Variants in RTKN2 observed in about 807,000 individuals in gnomAD.
RTKN2 encodes rhotekin 2.
In RTKN2, 69 loss-of-function variants were observed where a neutral mutation model predicts 71.5. That is an observed-to-expected ratio of 0.96 (90% CI 0.79 to 1.18). RTKN2 has a LOEUF of 1.18. Ranked by LOEUF, RTKN2 falls within the 50% of genes most tolerant of loss-of-function variation. The pLI, the probability that RTKN2 is intolerant of heterozygous loss-of-function variation, is 0.00. For synonymous variants in RTKN2, 236 were observed against 236.5 expected, an observed-to-expected ratio of 1.00 and a Z score of 0.02; for missense variants, 724 against 719.7, an observed-to-expected ratio of 1.01 and a Z score of -0.07.
intron 6 of RTKN2, among the ~76,000 whole-genome samples, chr10:62,227,134 A>C (rs1842042704): frequency 6.6e-6 from 1 of 152,254 alleles, no homozygotes; most frequent in Non-Finnish European, 1.5e-5. Context: ...CCAGGTGTTA[A>C]AACGACAACA....
At chr10:62,210,559 GA>G (rs1713231896) in intron 9 of RTKN2, among the ~76,000 whole-genome samples, 2 of 152,084 alleles carry the variant, frequency 1.3e-5, no homozygotes, top group Non-Finnish European at 2.9e-5. Context: ...AAAGATAAAT[GA>G]GTTATTTGAA....
chr10:62,198,854 T>C (rs1841384283), intron 11 of RTKN2, among the ~76,000 whole-genome samples: 1 of 152,156 alleles, frequency 6.6e-6, no homozygotes, highest in Non-Finnish European at 1.5e-5. Flanking sequence ...GACTGCTAGG[T>C]AAGAGATTTC....
At chr10:62,212,166 G>A (rs1391475687) in intron 9 of RTKN2, among the ~76,000 whole-genome samples, 3 of 151,702 alleles carry the variant, frequency 2.0e-5, no homozygotes, top group African/African-American at 7.3e-5. Flanking sequence ...GTTATGGCCA[G>A]TAGCTAGCTG....
rs1842918187 is a variant in RTKN2 at position 62,268,779 on chromosome 10, C to CCGAAGCGCACGCGCAGTGGGCGG, written c.-170_-169insCCGCCCACTGCGCGTGCGCTTCG. On this transcript the variant is annotated 5_prime_UTR_variant, in exon 1 of 12. Transcript: ENST00000373789. ...GGCCGAAGCGCACGCGCAGTGGGCG[C>CCGAAGCGCACGCGCAGTGGGCGG]GCCTTGCGCTCTGCAGCTCCCGCCG... is the stretch of plus-strand genomic sequence containing the variant. The CCGAAGCGCACGCGCAGTGGGCGG allele has an allele frequency of 1.7e-5, 11 of 655,484 alleles. No individual in the cohort carries two copies. The East Asian group carries it at 3.0e-4, about 18-fold the overall frequency. 40.6% of individuals were successfully genotyped at this position (655,484 alleles called of 1,614,324 possible). A position where few individuals can be genotyped will look rare whatever the true frequency, so the allele number is the denominator to read the frequency against.
chr10:62,199,664 A>C, intron 11 of RTKN2, 90 bp downstream of exon 11: 5 of 672,380 alleles, frequency 7.4e-6, no homozygotes. Flanking sequence ...TGAAAATTTT[A>C]GCATTTTAAT....
rs916907188 is a variant in RTKN2 at position 62,193,563 on chromosome 10, G to C, written c.*4345C>G. ...TTTAAATATTTCTGATCACACTACA[G>C]ATTTAGAAATAAAATGCTGAAATAA... On this transcript the variant is annotated 3_prime_UTR_variant, in exon 12 of 12. Transcript: ENST00000373789. 2 of 982,302 alleles carry C rather than the reference G, an allele frequency of 2.0e-6. No homozygotes were observed. The highest frequency in any genetic ancestry group is 2.4e-6 in the Non-Finnish European group (2 of 827,278). 60.8% of individuals were successfully genotyped at this position (982,302 alleles called of 1,614,324 possible). A position where few individuals can be genotyped will look rare whatever the true frequency, so the allele number is the denominator to read the frequency against.
chr10:62,196,509 A>G lies in RTKN2; in HGVS notation c.*1399T>C. On this transcript the variant is annotated 3_prime_UTR_variant, in exon 12 of 12. Coordinates refer to ENST00000373789, the MANE Select transcript of RTKN2 (RefSeq NM_145307.4). ...AAATGGAAAAGACCCCGCTATCTGA[A>G]AATAATGAAAGGCTCCATTTAAATT... 1 of 985,390 alleles carries G rather than the reference A, an allele frequency of 1.0e-6. No homozygotes were observed. Among genetic ancestry groups the G allele is most frequent in the Non-Finnish European group, 1.2e-6 (1 of 829,880 alleles). 61.0% of individuals were successfully genotyped at this position (985,390 alleles called of 1,614,324 possible). A position where few individuals can be genotyped will look rare whatever the true frequency, so the allele number is the denominator to read the frequency against.
At chr10:62,249,349 A>C (rs1401891692) in intron 2 of RTKN2, among the ~76,000 whole-genome samples, 4 of 145,428 alleles carry the variant, frequency 2.8e-5, no homozygotes, top group Non-Finnish European at 6.1e-5. Context: ...TAGGTCAAGA[A>C]GAATGAACTG....
rs781532665 is a variant in RTKN2, at chr10:62,195,532, G to T, written c.*2376C>A. 4.4e-5 allele frequency: 31 copies of T among 710,064 alleles called. No individual in the cohort carries two copies. Among genetic ancestry groups the T allele is most frequent in the Non-Finnish European group, 5.2e-5 (30 of 579,324 alleles). 44.0% of individuals were successfully genotyped at this position (710,064 alleles called of 1,614,324 possible). On this transcript the variant is annotated 3_prime_UTR_variant, in exon 12 of 12. Transcript: ENST00000373789. ...GGGGATGAGACAGAGAGAGAGGACAGGGGGCCAGAGAAAGAAACAAAGACA... is the reference window on the plus strand; with the variant it reads ...GGGGATGAGACAGAGAGAGAGGACATGGGGCCAGAGAAAGAAACAAAGACA...
At chr10:62,227,099 G>A (rs1045017852) in intron 6 of RTKN2, among the ~76,000 whole-genome samples, 7 of 152,210 alleles carry the variant, frequency 4.6e-5, no homozygotes, top group Non-Finnish European at 1.0e-4. Context: ...AATAAGTGGG[G>A]TGCCTTCATT....
chr10:62,223,778 A>G (rs956797699), intron 6 of RTKN2, among the ~76,000 whole-genome samples: 5 of 152,194 alleles, frequency 3.3e-5, no homozygotes, highest in African/African-American at 1.2e-4. Flanking sequence ...TTCCTCAAAA[A>G]ATAAGAAATA....
At chr10:62,201,656 ATAAAG>A in intron 10 of RTKN2, among the ~76,000 whole-genome samples, 1 of 152,330 alleles carries the variant, frequency 6.6e-6, no homozygotes, top group Admixed American at 6.5e-5. Flanking sequence ...AAAAACTATT[ATAAAG>A]TACAGTATTT....
At position 62,195,768 on chromosome 10, in the gene RTKN2, T is replaced by A. The variant is rs1841317414; in HGVS notation, c.*2140A>T. Reference sequence around the variant, plus strand: ...AGACCCATTTCAAAGACTTGTAACATACAGTAAGCTGGGCCCCCCAGAAAG... The same window carrying A: ...AGACCCATTTCAAAGACTTGTAACAAACAGTAAGCTGGGCCCCCCAGAAAG... On this transcript the variant is annotated 3_prime_UTR_variant, in exon 12 of 12. Coordinates refer to ENST00000373789, the MANE Select transcript of RTKN2 (RefSeq NM_145307.4). The A allele has an allele frequency of 1.0e-6, 1 of 985,206 alleles. No homozygotes were observed. The highest frequency in any genetic ancestry group is 6.2e-5 in the Admixed American group (1 of 16,228). 61.0% of individuals were successfully genotyped at this position (985,206 alleles called of 1,614,324 possible).
chr10:62,231,052 C>T (rs1275924489), intron 6 of RTKN2, among the ~76,000 whole-genome samples: 4 of 152,086 alleles, frequency 2.6e-5, no homozygotes, highest in African/African-American at 9.7e-5. Context: ...AGTCTCGTTC[C>T]TCAAAACATA....
chr10:62,240,440 A>C (rs1842351652), intron 4 of RTKN2, among the ~76,000 whole-genome samples: 1 of 152,158 alleles, frequency 6.6e-6, no homozygotes, highest in Non-Finnish European at 1.5e-5. Context: ...CTTAATTCCC[A>C]CATGTATTCC....
At chr10:62,215,117 T>G (rs747457262) in intron 9 of RTKN2, 2 of 1,344,318 alleles carry the variant, frequency 1.5e-6, no homozygotes, top group South Asian at 2.7e-5. Context: ...TTGTTTAGAT[T>G]ACATTTTATT....
rs1841335009 is a variant in RTKN2, at chr10:62,196,526, A to G, written c.*1382T>C. ...CTATCTGAAAATAATGAAAGGCTCCATTTAAATTAATGTGGTTTTTTGGTC... is the reference window on the plus strand; with the variant it reads ...CTATCTGAAAATAATGAAAGGCTCCGTTTAAATTAATGTGGTTTTTTGGTC... On this transcript the variant is annotated 3_prime_UTR_variant, in exon 12 of 12. Transcript: ENST00000373789. 4 of 985,412 alleles carry G rather than the reference A, an allele frequency of 4.1e-6. No individual in the cohort carries two copies. Among genetic ancestry groups the G allele is most frequent in the Non-Finnish European group, 4.8e-6 (4 of 829,896 alleles). 61.0% of individuals were successfully genotyped at this position (985,412 alleles called of 1,614,324 possible).
At chr10:62,202,931 T>C (rs557974796) in intron 10 of RTKN2, among the ~76,000 whole-genome samples, 261 of 152,184 alleles carry the variant, frequency 1.7e-3, no homozygotes, top group African/African-American at 5.9e-3. Context: ...GGGGCTGAGG[T>C]GGGCGGATCA....
intron 2 of RTKN2, among the ~76,000 whole-genome samples, chr10:62,249,951 A>G (rs904708416): frequency 7.9e-5 from 12 of 152,214 alleles, no homozygotes; most frequent in Non-Finnish European, 1.3e-4. Context: ...TCTAAATCAG[A>G]TTATTTTCAC....
Sources: allele counts gnomAD v4.1 joint callset (sites outside exome capture counted in the v4.1 genomes callset), GRCh38; gene constraint gnomAD v4.1.1; transcripts MANE v1.5; gene names NCBI Gene and HGNC (gene_info 2026-07-23, HGNC 2026-07-21).